The following PPARGC1A variants were observed in gnomAD, a reference collection of about 807,000 sequenced individuals.
PPARGC1A encodes the protein peroxisome proliferator-activated receptor gamma coactivator 1-alpha.
Under a neutral mutation model 88.7 loss-of-function variants are expected in PPARGC1A, and 25 were observed. The ratio of observed to expected loss-of-function variants is 0.28; its 90% CI spans 0.21 to 0.39. PPARGC1A has a LOEUF of 0.39. Among genes scored for constraint, PPARGC1A ranks in the 10% least tolerant of loss-of-function variants. PPARGC1A has a pLI of 1.00. For synonymous variants in PPARGC1A, 363 were observed against 355.6 expected (o/e 1.02, Z -0.24); for missense variants, 880 against 968.7 (o/e 0.91, Z 1.22).
chr4:24,444,612 A>G, the PPARGC1A span, among the ~76,000 whole-genome samples: 2 of 152,334 alleles, frequency 1.3e-5, no homozygotes, highest in South Asian at 2.1e-4. Flanking sequence ...CCATTGCTAT[A>G]TGAACATCAC....
the PPARGC1A span, among the ~76,000 whole-genome samples, chr4:23,928,849 C>G: frequency 3.3e-5 from 5 of 150,694 alleles, no homozygotes; most frequent in Non-Finnish European, 5.9e-5. Context: ...GATTTGGAAG[C>G]CATTATCCTC....
chr4:23,959,580 T>C, the PPARGC1A span, among the ~76,000 whole-genome samples: 1 of 152,070 alleles, frequency 6.6e-6, no homozygotes, highest in African/African-American at 2.4e-5. Context: ...GGAAAATCAC[T>C]TGCCTGCCTT....
the PPARGC1A span, among the ~76,000 whole-genome samples, chr4:24,295,093 T>A: frequency 2.2e-4 from 33 of 152,250 alleles, no homozygotes; most frequent in Non-Finnish European, 4.0e-4. Context: ...GTTTAGTTAG[T>A]GCCTTGAGAG....
At chr4:24,173,338 C>CAAAA in the PPARGC1A span, among the ~76,000 whole-genome samples, 1 of 117,592 alleles carries the variant, frequency 8.5e-6, no homozygotes, top group Admixed American at 8.7e-5. Context: ...CTTTCCCCAC[C>CAAAA]AAAAAAAAAA....
the PPARGC1A span, among the ~76,000 whole-genome samples, chr4:24,157,574 C>G: frequency 6.6e-6 from 1 of 152,180 alleles, no homozygotes; most frequent in Non-Finnish European, 1.5e-5. Context: ...CCACAAGTGT[C>G]TCCCTGAATA....
At chr4:24,282,265 T>C in the PPARGC1A span, among the ~76,000 whole-genome samples, 1 of 152,200 alleles carries the variant, frequency 6.6e-6, no homozygotes, top group Non-Finnish European at 1.5e-5. Flanking sequence ...ACTGTGGTAT[T>C]ACATAACCAT....
chr4:24,047,232 C>G, the PPARGC1A span, among the ~76,000 whole-genome samples: 2 of 152,146 alleles, frequency 1.3e-5, no homozygotes, highest in African/African-American at 4.8e-5. Context: ...CCCTATTTGC[C>G]TGATTTATTT....
the PPARGC1A span, among the ~76,000 whole-genome samples, chr4:24,226,591 G>A: frequency 2.0e-5 from 3 of 152,160 alleles, no homozygotes; most frequent in African/African-American, 7.2e-5. Flanking sequence ...GCAGCCTTTC[G>A]TTTTGGGTTT....
chr4:23,871,323 T>C (rs1363783308), intron 2 of PPARGC1A, among the ~76,000 whole-genome samples: 1 of 152,130 alleles, frequency 6.6e-6, no homozygotes, highest in East Asian at 1.9e-4. Flanking sequence ...GGTGATAGGA[T>C]TAAAGGAGCT....
chr4:23,812,796 C>A lies in PPARGC1A; in HGVS notation c.1970G>T (p.Arg657Leu), dbSNP rs1462773399. Residue 657 changes from arginine to leucine, a missense_variant, in exon 10 of 13, where the codon CGA (arginine) becomes CTA (leucine). Physicochemically the swap from Arg to Leu is moderately radical, Grantham distance 102. Transcript: ENST00000264867. The stretch of plus-strand genomic sequence containing the variant: ...CCTTTGCTTGGCCCTCTCAGACTCT[C>A]GCTTCTCATACTCTCTGCGATATTC... ...REEYRREYEK[R>L]ESERAKQRER... is the part of the protein sequence containing the mutation. The A allele has an allele frequency of 6.2e-7, 1 of 1,613,914 alleles. No homozygotes were observed. Among genetic ancestry groups the A allele is most frequent in the Non-Finnish European group, 8.5e-7 (1 of 1,179,990 alleles).
chr4:24,363,878 T>C, the PPARGC1A span, among the ~76,000 whole-genome samples: 14 of 152,292 alleles, frequency 9.2e-5, no homozygotes, highest in African/African-American at 3.1e-4. Flanking sequence ...TGTAGGCCCC[T>C]CTCCATGACT....
chr4:23,904,187 C>A (rs927856285), upstream of PPARGC1A: 7 of 284,850 alleles, frequency 2.5e-5, no homozygotes, highest in Non-Finnish European at 3.7e-5. Flanking sequence ...CAATAGGGCA[C>A]AAATCTGAAA....
the PPARGC1A span, among the ~76,000 whole-genome samples, chr4:24,177,567 G>A: frequency 6.7e-6 from 1 of 150,034 alleles, no homozygotes; most frequent in Non-Finnish European, 1.5e-5. Flanking sequence ...GTATACATAT[G>A]TAGTAACTAA....
the PPARGC1A span, among the ~76,000 whole-genome samples, chr4:24,218,494 A>G: frequency 6.6e-6 from 1 of 152,244 alleles, no homozygotes; most frequent in African/African-American, 2.4e-5. Context: ...GTCATCAGCA[A>G]ATGCTAGCAG....
the PPARGC1A span, among the ~76,000 whole-genome samples, chr4:23,927,216 CAG>C: frequency 2.0e-5 from 3 of 152,108 alleles, no homozygotes. Flanking sequence ...AAGTGAAAAA[CAG>C]ATTGGTTCTA....
At chr4:24,402,115 T>C in the PPARGC1A span, among the ~76,000 whole-genome samples, 9 of 152,134 alleles carry the variant, frequency 5.9e-5, no homozygotes, top group Admixed American at 5.9e-4. Context: ...TTGGTTGAGG[T>C]GGCAGCAGAA....
intron 2 of PPARGC1A, among the ~76,000 whole-genome samples, chr4:23,878,650 G>A (rs534793650): frequency 1.2e-4 from 18 of 152,154 alleles, no homozygotes; most frequent in Admixed American, 7.2e-4. Context: ...GCTTAAATGA[G>A]GTGTGTAGAT....
the PPARGC1A span, among the ~76,000 whole-genome samples, chr4:24,020,468 T>A: frequency 1.3e-5 from 2 of 152,148 alleles, no homozygotes; most frequent in Non-Finnish European, 2.9e-5. Context: ...CAATACAGAC[T>A]GTCTTAGAAA....
chr4:24,174,255 G>A, the PPARGC1A span, among the ~76,000 whole-genome samples: 3 of 152,180 alleles, frequency 2.0e-5, no homozygotes, highest in Non-Finnish European at 2.9e-5. Context: ...TAAACCCTTT[G>A]CAGGTTCTGT....
Sources: gnomAD v4.1 joint callset for allele counts (sites outside exome capture counted in the v4.1 genomes callset) on GRCh38, gnomAD v4.1.1 for gene constraint, MANE v1.5 for transcripts, NCBI Gene and HGNC (gene_info 2026-07-23, HGNC 2026-07-21) for gene names.